Variants in SH3D19 observed in about 807,000 individuals in gnomAD.
SH3D19 encodes SH3 domain-containing protein 19.
A neutral mutation model predicts 112.1 loss-of-function variants in SH3D19; 58 were observed. The observed-to-expected ratio is 0.52, with a 90% CI of 0.42 to 0.64. The LOEUF is 0.64. SH3D19 is among the 30% of genes least tolerant of loss of function. The probability of loss-of-function intolerance (pLI) is 0.00; values close to 1 mark genes in which losing one functional copy is unlikely to be tolerated. For missense variants in SH3D19, 1,090 were observed against 1,263.4 expected, an observed-to-expected ratio of 0.86 and a Z score of 2.08; for synonymous variants, 391 against 448.5, an observed-to-expected ratio of 0.87 and a Z score of 1.62.
At chr4:151,231,783 G>A (rs1221228376) in intron 1 of SH3D19, among the ~76,000 whole-genome samples, 1 of 152,094 alleles carries the variant, frequency 6.6e-6, no homozygotes, top group Non-Finnish European at 1.5e-5. Flanking sequence ...TAGTGACATC[G>A]TTCATTAATT....
chr4:151,235,082 C>T (rs942149874), intron 1 of SH3D19, among the ~76,000 whole-genome samples: 19 of 151,902 alleles, frequency 1.3e-4, no homozygotes, highest in African/African-American at 3.9e-4. Flanking sequence ...GGGGTGCATG[C>T]GCAGGTTTGT....
intron 2 of SH3D19, among the ~76,000 whole-genome samples, chr4:151,209,329 A>G (rs1765604382): frequency 6.6e-6 from 1 of 151,356 alleles, no homozygotes; most frequent in South Asian, 2.1e-4. Context: ...CCCAAGCTGG[A>G]GTGCAGTGGT....
At chr4:151,250,390 CTCA>C (rs768652681) in intron 1 of SH3D19, among the ~76,000 whole-genome samples, 17 of 151,920 alleles carry the variant, frequency 1.1e-4, no homozygotes, top group Non-Finnish European at 2.2e-4. Context: ...ATAGAATATT[CTCA>C]TGTTTTCCTG....
intron 1 of SH3D19, among the ~76,000 whole-genome samples, chr4:151,275,087 A>G (rs999789758): frequency 2.9e-5 from 4 of 137,000 alleles, no homozygotes; most frequent in Admixed American, 1.4e-4. Flanking sequence ...GGACTTCAAG[A>G]TACGTTTTTT....
chr4:151,201,920 G>A (rs992581488), intron 2 of SH3D19, among the ~76,000 whole-genome samples: 27 of 151,834 alleles, frequency 1.8e-4, no homozygotes, highest in African/African-American at 6.5e-4. Flanking sequence ...GTTGAGACAG[G>A]AGATTTGCTT....
intron 1 of SH3D19, among the ~76,000 whole-genome samples, chr4:151,278,277 T>TC (rs1377786032): frequency 6.6e-6 from 1 of 152,050 alleles, no homozygotes; most frequent in African/African-American, 2.4e-5. Flanking sequence ...ATAGAGCATT[T>TC]TTTTTTTAAG....
At chr4:151,286,537 A>C (rs1774804617) in intron 1 of SH3D19, among the ~76,000 whole-genome samples, 1 of 151,542 alleles carries the variant, frequency 6.6e-6, no homozygotes, top group Non-Finnish European at 1.5e-5. Flanking sequence ...ACCATAACTT[A>C]CCTAAGAAGA....
At chr4:151,302,029 TC>T (rs1412128221) in intron 1 of SH3D19, among the ~76,000 whole-genome samples, 1 of 152,138 alleles carries the variant, frequency 6.6e-6, no homozygotes, top group African/African-American at 2.4e-5. Flanking sequence ...ACTTTGTTGT[TC>T]CCAATGATTC....
intron 2 of SH3D19, among the ~76,000 whole-genome samples, chr4:151,215,637 T>G (rs1390620020): frequency 6.6e-6 from 1 of 152,230 alleles, no homozygotes; most frequent in Non-Finnish European, 1.5e-5. Context: ...AAGAGCTGGC[T>G]TGCTCACTCT....
intron 1 of SH3D19, chr4:151,280,081 A>ACG: frequency 1.7e-6 from 2 of 1,170,380 alleles, no homozygotes. Flanking sequence ...AACCCAGGTC[A>ACG]TGTCAGACTA....
chr4:151,286,847 G>C (rs1774837980), intron 1 of SH3D19, among the ~76,000 whole-genome samples: 1 of 151,770 alleles, frequency 6.6e-6, no homozygotes, highest in African/African-American at 2.4e-5. Context: ...AGGCATGGTG[G>C]CATGTGCCTG....
chr4:151,204,404 C>T (rs1325310002), intron 2 of SH3D19, among the ~76,000 whole-genome samples: 1 of 152,172 alleles, frequency 6.6e-6, no homozygotes, highest in Non-Finnish European at 1.5e-5. Flanking sequence ...ACTGCTAACT[C>T]TTAATAGGGT....
At chr4:151,316,550 C>T (rs2651322) in intron 1 of SH3D19, among the ~76,000 whole-genome samples, 10,965 of 151,806 alleles carry the variant, frequency 0.072, 1,028 homozygotes, top group African/African-American at 0.21. Context: ...TTCTGTTACT[C>T]AAAAAATATT....
At chr4:151,310,829 C>T (rs1264155507) in intron 1 of SH3D19, among the ~76,000 whole-genome samples, 1 of 151,472 alleles carries the variant, frequency 6.6e-6, no homozygotes, top group African/African-American at 2.4e-5. Flanking sequence ...ACCTCGGCCT[C>T]CCAAAAGTGC....
At chr4:151,213,666 GAATT>G (rs148920486) in intron 2 of SH3D19, among the ~76,000 whole-genome samples, 98 of 54,458 alleles carry the variant, frequency 1.8e-3, no homozygotes, top group Middle Eastern at 0.014. Flanking sequence ...TTAATAATAT[GAATT>G]AATTAATTAA....
intron 1 of SH3D19, among the ~76,000 whole-genome samples, chr4:151,290,375 A>C (rs1041122136): frequency 1.3e-5 from 2 of 152,230 alleles, no homozygotes; most frequent in Non-Finnish European, 2.9e-5. Context: ...AAAGGAGTGG[A>C]GTACTGATAC....
At chr4:151,305,050 T>C (rs960802319) in intron 1 of SH3D19, among the ~76,000 whole-genome samples, 3 of 152,148 alleles carry the variant, frequency 2.0e-5, no homozygotes, top group African/African-American at 7.2e-5. Flanking sequence ...GTGTCATGCA[T>C]GACAAAGAAT....
chr4:151,236,230 C>T (rs955177764), intron 1 of SH3D19, among the ~76,000 whole-genome samples: 4 of 152,258 alleles, frequency 2.6e-5, no homozygotes, highest in Admixed American at 6.5e-5. Flanking sequence ...TCCCTCAGCT[C>T]GTGGAGAGGT....
intron 13 of SH3D19, 48 bp from the exon 14 acceptor site, chr4:151,137,910 G>A: frequency 6.6e-7 from 1 of 1,519,432 alleles, no homozygotes; most frequent in Non-Finnish European, 8.8e-7. Context: ...CCTGGTTGCA[G>A]ATTTGATAAA....
Sources: gnomAD v4.1 joint callset for allele counts (sites outside exome capture counted in the v4.1 genomes callset) on GRCh38, gnomAD v4.1.1 for gene constraint, MANE v1.5 for transcripts, NCBI Gene and HGNC (gene_info 2026-07-23, HGNC 2026-07-21) for gene names.